The following TBC1D8 variants were observed in gnomAD, a reference collection of about 807,000 sequenced individuals.
TBC1D8 encodes BUB2-like protein 1.
In TBC1D8, 65 loss-of-function variants were observed where a neutral mutation model predicts 118.8. The observed-to-expected ratio is 0.55, with a 90% CI of 0.45 to 0.67. The LOEUF (loss-of-function observed/expected upper bound fraction) is 0.67. Among genes scored for constraint, TBC1D8 ranks in the 30% least tolerant of loss-of-function variants. TBC1D8 has a pLI of 0.00. For missense variants in TBC1D8, 1,376 were observed against 1,471.2 expected (o/e 0.94, Z 1.06); for synonymous variants, 566 against 595.8 (o/e 0.95, Z 0.73).
At chr2:101,098,421 G>C (rs957179095) in intron 1 of TBC1D8, among the ~76,000 whole-genome samples, 9 of 152,040 alleles carry the variant, frequency 5.9e-5, no homozygotes, top group Non-Finnish European at 1.3e-4. Context: ...ACAATAGTGG[G>C]AGATTATAAC....
At chr2:101,137,316 A>G (rs989711253) in intron 1 of TBC1D8, among the ~76,000 whole-genome samples, 3 of 140,038 alleles carry the variant, frequency 2.1e-5, no homozygotes, top group African/African-American at 8.2e-5. Context: ...TACAGGCGTG[A>G]GCCACCACGT....
In TBC1D8 at chr2:101,077,759, T is replaced by A. The variant is rs148831604; in HGVS notation, c.283+12450A>T. Among the ~76,000 whole-genome samples the A allele has an allele frequency of 2.2e-3, 342 of 152,250 alleles. 2 individuals are homozygous for A. The highest frequency in any genetic ancestry group is 7.8e-3 in the African/African-American group (326 of 41,562). On this transcript the variant is annotated intron_variant, in intron 2 of 19. Coordinates refer to ENST00000409318, the MANE Select transcript of TBC1D8 (RefSeq NM_001330348.2). ...AGATCCAAACCATATCAAATGATAA[T>A]AGCCCTTCCCTAAAACTAAAGCACC...
chr2:101,022,165 G>T, intron 16 of TBC1D8, 116 bp downstream of exon 16: 2 of 1,495,176 alleles, frequency 1.3e-6, no homozygotes, highest in South Asian at 1.3e-5. Flanking sequence ...TTCATGTCAG[G>T]CCAGTCACAA....
At chr2:101,074,583 C>G (rs1674685057) in intron 2 of TBC1D8, among the ~76,000 whole-genome samples, 1 of 152,184 alleles carries the variant, frequency 6.6e-6, no homozygotes, top group Admixed American at 6.5e-5. Flanking sequence ...TAAATGTATT[C>G]TAACACCATA....
chr2:101,098,167 C>T (rs1247252259), intron 1 of TBC1D8, among the ~76,000 whole-genome samples: 9 of 151,960 alleles, frequency 5.9e-5, no homozygotes, highest in Admixed American at 3.9e-4. Flanking sequence ...CTGAAGTGGG[C>T]GGAGTACCTG....
At chr2:101,104,908 G>A (rs1361118073) in intron 1 of TBC1D8, among the ~76,000 whole-genome samples, 1 of 151,892 alleles carries the variant, frequency 6.6e-6, no homozygotes, top group African/African-American at 2.4e-5. Context: ...CAGCTATTCT[G>A]GAGGCTGAAT....
In TBC1D8 at chr2:101,011,454, TGG is replaced by T; in HGVS notation, c.2912_2913del (p.Pro971GlnfsTer3). On this transcript the variant is annotated frameshift_variant, in exon 18 of 20. Coordinates refer to ENST00000409318, the MANE Select transcript of TBC1D8 (RefSeq NM_001330348.2). LOFTEE classifies it high-confidence loss of function. ...STSRPLVFGK[P>X]NGDAVDYQKQ... Reference sequence around the variant, plus strand: ...AACAATGAAAAGAGGTACGTGCCATTGGGTTTCCCGAAAACCAGGGGTCTCGA... The same window carrying T: ...AACAATGAAAAGAGGTACGTGCCATTGTTTCCCGAAAACCAGGGGTCTCGA... 1 of 1,613,876 alleles carries T rather than the reference TGG, an allele frequency of 6.2e-7. No homozygotes were observed. The highest frequency in any genetic ancestry group is 8.5e-7 in the Non-Finnish European group (1 of 1,179,844).
chr2:101,147,441 T>G (rs911893428), intron 1 of TBC1D8, among the ~76,000 whole-genome samples: 1 of 152,160 alleles, frequency 6.6e-6, no homozygotes, highest in Non-Finnish European at 1.5e-5. Flanking sequence ...CAAGTGTGAG[T>G]GTTCCCTTTT....
At chr2:101,119,018 CA>C (rs932976450) in intron 1 of TBC1D8, among the ~76,000 whole-genome samples, 90 of 151,126 alleles carry the variant, frequency 6.0e-4, no homozygotes, top group African/African-American at 2.1e-3. Context: ...TCTGCCCCCC[CA>C]AAAAAAAGAC....
intron 1 of TBC1D8, among the ~76,000 whole-genome samples, chr2:101,143,466 T>C (rs1187504890): frequency 1.3e-5 from 2 of 152,160 alleles, no homozygotes; most frequent in African/African-American, 2.4e-5. Context: ...CTCAAATTCA[T>C]ACACATGTGC....
At chr2:101,046,762 T>G (rs960613104) in intron 5 of TBC1D8, among the ~76,000 whole-genome samples, 2 of 152,066 alleles carry the variant, frequency 1.3e-5, no homozygotes, top group Non-Finnish European at 2.9e-5. Flanking sequence ...CGCCAGGCCA[T>G]GAGGGACCAG....
intron 1 of TBC1D8, among the ~76,000 whole-genome samples, chr2:101,131,756 G>A (rs1436430266): frequency 2.6e-5 from 4 of 152,022 alleles, no homozygotes; most frequent in African/African-American, 9.7e-5. Context: ...AGGAGCTTGC[G>A]GCGAGCCAAG....
chr2:101,056,976 C>T (rs991522381), intron 3 of TBC1D8, among the ~76,000 whole-genome samples: 5 of 152,212 alleles, frequency 3.3e-5, no homozygotes, highest in African/African-American at 1.2e-4. Context: ...GCTGTGCTCC[C>T]AGGCTCAGGC....
At chr2:101,132,971 A>C (rs1678659195) in intron 1 of TBC1D8, among the ~76,000 whole-genome samples, 1 of 151,948 alleles carries the variant, frequency 6.6e-6, no homozygotes, top group Non-Finnish European at 1.5e-5. Context: ...TGTTTCTATA[A>C]ATTTTTAAGT....
chr2:101,072,191 A>C (rs1674495796), intron 2 of TBC1D8, among the ~76,000 whole-genome samples: 1 of 152,200 alleles, frequency 6.6e-6, no homozygotes, highest in Admixed American at 6.5e-5. Flanking sequence ...GCTATAAAGG[A>C]ATACCTGAGG....
At chr2:101,018,737 C>A (rs1478291136) in intron 17 of TBC1D8, among the ~76,000 whole-genome samples, 1 of 152,166 alleles carries the variant, frequency 6.6e-6, no homozygotes, top group African/African-American at 2.4e-5. Flanking sequence ...AGAAAAACCT[C>A]CAAATTGTCT....
At chr2:101,128,111 T>C (rs1000771737) in intron 1 of TBC1D8, among the ~76,000 whole-genome samples, 4 of 152,322 alleles carry the variant, frequency 2.6e-5, no homozygotes, top group East Asian at 1.9e-4. Flanking sequence ...CACCTCCTAA[T>C]AGTCCTATTC....
chr2:101,131,429 C>T lies in TBC1D8; in HGVS notation c.127+19698G>A, dbSNP rs1159559455. 2.8e-5 allele frequency among the ~76,000 whole-genome samples: 4 copies of T among 143,534 alleles called. 1 individual carries two copies. The highest frequency in any genetic ancestry group is 4.5e-4 in the South Asian group (2 of 4,492). The allele number at this position is 143,534 out of a possible 152,430, so 94.2% of individuals were successfully genotyped here. ...ACTCGGGAGGCTGAGGCAGGAGAAT[C>T]GCTTGAACCCGGGAGGCAGAGGTTG... On this transcript the variant is annotated intron_variant, in intron 1 of 19. Coordinates refer to ENST00000409318, the MANE Select transcript of TBC1D8 (RefSeq NM_001330348.2).
intron 2 of TBC1D8, among the ~76,000 whole-genome samples, chr2:101,063,549 G>T (rs1005058402): frequency 1.3e-5 from 2 of 152,166 alleles, no homozygotes; most frequent in Non-Finnish European, 2.9e-5. Flanking sequence ...CCAAATGGCA[G>T]GGAAATTTTC....
Sources: gnomAD v4.1 joint callset for allele counts (sites outside exome capture counted in the v4.1 genomes callset) on GRCh38, gnomAD v4.1.1 for gene constraint, MANE v1.5 for transcripts, NCBI Gene and HGNC (gene_info 2026-07-23, HGNC 2026-07-21) for gene names.